The following GREB1L variants were observed in gnomAD, a reference collection of about 807,000 sequenced individuals.
The protein encoded by GREB1L is GREB1-like protein.
Under a neutral mutation model 200.8 loss-of-function variants are expected in GREB1L, and 17 were observed. The ratio of observed to expected loss-of-function variants is 0.08; its 90% CI spans 0.06 to 0.13. The LOEUF (loss-of-function observed/expected upper bound fraction) is 0.13, where lower values mean the gene tolerates loss of function less well. GREB1L is among the 10% of genes least tolerant of loss of function. GREB1L has a pLI of 1.00. For synonymous variants in GREB1L, 789 were observed against 893.0 expected (o/e 0.88, Z 2.08); for missense variants, 1,657 against 2,367.7 (o/e 0.70, Z 6.23).
rs1297427942 is a variant in GREB1L at position 21,477,310 on chromosome 18, G to A, written c.2510G>A (p.Arg837His). 5 of 1,551,326 alleles carry A rather than the reference G, an allele frequency of 3.2e-6. No homozygotes were observed. The highest frequency in any genetic ancestry group is 3.9e-5 in the Admixed American group (2 of 50,958). ...FPYTLQTQQS[R>H]ISSSNEVHWI... ...TACACTCTGCAGACCCAACAGTCCC[G>A]CATTAGCTCTAGCAATGAGGTTCAC... The change falls in exon 17 of 33, where the codon CGC (arginine) becomes CAC (histidine). Residue 837 changes from arginine to histidine, a missense_variant. Coordinates refer to ENST00000424526, the MANE Select transcript of GREB1L (RefSeq NM_001142966.3).
chr18:21,418,220 C>G (rs1180428837), intron 7 of GREB1L, among the ~76,000 whole-genome samples: 1 of 152,028 alleles, frequency 6.6e-6, no homozygotes, highest in African/African-American at 2.4e-5. Flanking sequence ...GCAACATCAC[C>G]TGAGGTTTTA....
At chr18:21,319,367 T>G (rs1403274809) in intron 1 of GREB1L, among the ~76,000 whole-genome samples, 1 of 152,254 alleles carries the variant, frequency 6.6e-6, no homozygotes, top group Non-Finnish European at 1.5e-5. Context: ...CATGCCAAAT[T>G]AAAAGGCTTT....
chr18:21,317,208 A>C (rs2038884219), intron 1 of GREB1L, among the ~76,000 whole-genome samples: 1 of 151,816 alleles, frequency 6.6e-6, no homozygotes, highest in Non-Finnish European at 1.5e-5. Flanking sequence ...ACCTGTCTCT[A>C]AAAATCAATC....
chr18:21,392,965 G>A lies in GREB1L; in HGVS notation c.356-2420G>A, dbSNP rs116952876. 7.5e-3 allele frequency among the ~76,000 whole-genome samples: 1,140 copies of A among 152,128 alleles called. 5 individuals carry two copies. Among genetic ancestry groups the A allele is most frequent in the Non-Finnish European group, 0.012 (807 of 68,006 alleles). ...TTTTGTATTTTTTTGTAGAGATGGG[G>A]TTTCGCCCTGTTGCCTAGACTGGTC... On this transcript the variant is annotated intron_variant, in intron 4 of 32. Coordinates refer to ENST00000424526, the MANE Select transcript of GREB1L (RefSeq NM_001142966.3).
At chr18:21,469,404 T>A (rs2035393551) in intron 15 of GREB1L, among the ~76,000 whole-genome samples, 1 of 152,236 alleles carries the variant, frequency 6.6e-6, no homozygotes, top group Non-Finnish European at 1.5e-5. Context: ...CAGGCTCTTG[T>A]GGTTTTTTTT....
At chr18:21,279,020 A>C (rs980368393) in intron 1 of GREB1L, among the ~76,000 whole-genome samples, 3 of 152,156 alleles carry the variant, frequency 2.0e-5, no homozygotes, top group Admixed American at 6.5e-5. Flanking sequence ...TATTGTAAAA[A>C]TAAGCATTCA....
intron 5 of GREB1L, among the ~76,000 whole-genome samples, chr18:21,397,487 T>C (rs1276940993): frequency 2.1e-5 from 3 of 145,054 alleles, no homozygotes. Context: ...ATCGCGCCAC[T>C]GCACTCCAGC....
intron 1 of GREB1L, among the ~76,000 whole-genome samples, chr18:21,295,440 T>G (rs1378108469): frequency 6.6e-6 from 1 of 152,224 alleles, no homozygotes; most frequent in Non-Finnish European, 1.5e-5. Context: ...TATCTGCACC[T>G]GTACGGCAGG....
At chr18:21,307,489 A>G (rs1303360167) in intron 1 of GREB1L, among the ~76,000 whole-genome samples, 1 of 152,222 alleles carries the variant, frequency 6.6e-6, no homozygotes, top group Non-Finnish European at 1.5e-5. Context: ...GCAATACAGA[A>G]TAAGAGTTTA....
intron 2 of GREB1L, among the ~76,000 whole-genome samples, chr18:21,368,621 C>T (rs1171308757): frequency 6.6e-6 from 1 of 152,168 alleles, no homozygotes; most frequent in Admixed American, 6.5e-5. Context: ...CCCTAATTCA[C>T]ATCTGATTTT....
chr18:21,453,117 A>C (rs187240767), intron 14 of GREB1L, among the ~76,000 whole-genome samples: 20 of 152,372 alleles, frequency 1.3e-4, no homozygotes, highest in Admixed American at 8.5e-4. Flanking sequence ...ACATTCTGAG[A>C]GGACTTACAG....
intron 1 of GREB1L, among the ~76,000 whole-genome samples, chr18:21,250,129 A>G (rs2037677582): frequency 6.6e-6 from 1 of 152,114 alleles, no homozygotes; most frequent in South Asian, 2.1e-4. Flanking sequence ...TTAGAGGGGC[A>G]ACTAGGAGGC....
intron 1 of GREB1L, among the ~76,000 whole-genome samples, chr18:21,352,314 G>T (rs2039445590): frequency 3.3e-5 from 5 of 151,996 alleles, no homozygotes; most frequent in African/African-American, 1.2e-4. Context: ...ATGTGAAAAG[G>T]TATTACTTGT....
At chr18:21,416,862 C>A (rs2031689725) in intron 7 of GREB1L, among the ~76,000 whole-genome samples, 1 of 151,206 alleles carries the variant, frequency 6.6e-6, no homozygotes, top group African/African-American at 2.4e-5. Context: ...CCTGTCTCTA[C>A]AAAAAAATAC....
At chr18:21,415,366 A>G (rs952014248) in intron 7 of GREB1L, among the ~76,000 whole-genome samples, 1 of 152,108 alleles carries the variant, frequency 6.6e-6, no homozygotes. Flanking sequence ...CAATAAAGAA[A>G]TTAGTTAGGC....
intron 4 of GREB1L, among the ~76,000 whole-genome samples, chr18:21,390,330 AGG>A (rs1412309414): frequency 3.3e-5 from 5 of 152,080 alleles, no homozygotes; most frequent in Non-Finnish European, 7.4e-5. Flanking sequence ...AGCCTCAGGC[AGG>A]TCCTTTAGGA....
rs183499466 is a variant in GREB1L at position 21,524,453 on chromosome 18, T to C, written c.*1632T>C. On this transcript the variant is annotated 3_prime_UTR_variant, in exon 33 of 33. Coordinates refer to ENST00000424526, the MANE Select transcript of GREB1L (RefSeq NM_001142966.3). ...TATATATGCTTTAAAAAATACTCCT[T>C]AATTTTAGTACAGCAGAATTTTTGG... is the stretch of plus-strand genomic sequence containing the variant. 1 of 152,326 alleles carries C rather than the reference T, an allele frequency of 6.6e-6. No homozygotes were observed. Among genetic ancestry groups the C allele is most frequent in the East Asian group, 1.9e-4 (1 of 5,184 alleles). 9.4% of individuals were successfully genotyped at this position (152,326 alleles called of 1,614,324 possible). A position where few individuals can be genotyped will look rare whatever the true frequency, so the allele number is the denominator to read the frequency against.
chr18:21,353,559 A>T (rs2039464726), intron 1 of GREB1L, among the ~76,000 whole-genome samples: 1 of 152,030 alleles, frequency 6.6e-6, no homozygotes, highest in Admixed American at 6.6e-5. Context: ...TTATATTTTC[A>T]CTAGTCAACT....
intron 2 of GREB1L, among the ~76,000 whole-genome samples, chr18:21,367,054 A>G (rs1395754796): frequency 2.0e-5 from 3 of 152,178 alleles, no homozygotes; most frequent in Non-Finnish European, 4.4e-5. Flanking sequence ...TGGGAGGCAC[A>G]TTCTGTGGAC....
Sources: allele counts gnomAD v4.1 joint callset (sites outside exome capture counted in the v4.1 genomes callset), GRCh38; gene constraint gnomAD v4.1.1; transcripts MANE v1.5; gene names NCBI Gene and HGNC (gene_info 2026-07-23, HGNC 2026-07-21).